Variants in TRPC1 observed in about 807,000 individuals in gnomAD.
TRPC1 encodes transient receptor potential cation channel subfamily C member 1, also known as short transient receptor potential channel 1.
A neutral mutation model predicts 88.2 loss-of-function variants in TRPC1; 42 were observed. The ratio of observed to expected loss-of-function variants is 0.48; its 90% CI spans 0.37 to 0.62. The LOEUF is 0.62. TRPC1 is among the 20% of genes least tolerant of loss of function. TRPC1 has a pLI of 0.00. For missense variants in TRPC1, 699 were observed against 957.3 expected, an observed-to-expected ratio of 0.73 and a Z score of 3.56; for synonymous variants, 288 against 331.8, an observed-to-expected ratio of 0.87 and a Z score of 1.43.
At chr3:142,760,881 T>C (rs1017491102) in intron 4 of TRPC1, among the ~76,000 whole-genome samples, 3 of 152,198 alleles carry the variant, frequency 2.0e-5, no homozygotes, top group Admixed American at 2.0e-4. Context: ...TTTGATTTCT[T>C]TTTCAGATTG....
intron 12 of TRPC1, among the ~76,000 whole-genome samples, chr3:142,804,971 C>T (rs1212996148): frequency 1.3e-5 from 2 of 151,972 alleles, no homozygotes; most frequent in African/African-American, 4.8e-5. Context: ...TGTGGTGGCA[C>T]ATGCCTGTAG....
chr3:142,796,485 T>A (rs970566334), intron 9 of TRPC1, among the ~76,000 whole-genome samples: 12 of 152,062 alleles, frequency 7.9e-5, no homozygotes, highest in African/African-American at 2.4e-5. Context: ...TATTTCCTTT[T>A]TTCCTTACCT....
chr3:142,741,234 C>T (rs926044833), intron 2 of TRPC1, among the ~76,000 whole-genome samples: 1 of 138,554 alleles, frequency 7.2e-6, no homozygotes, highest in African/African-American at 2.7e-5. Flanking sequence ...TCATAACTGC[C>T]ATTGATTTAT....
In TRPC1 at chr3:142,804,555, T is replaced by C. The variant is rs373088860; in HGVS notation, c.2079T>C (p.Tyr693=). The C allele has an allele frequency of 1.2e-5, 19 of 1,613,450 alleles. No homozygotes were observed. In the African/African-American group the frequency reaches 2.3e-4, roughly 19 times the overall value. The change falls in exon 12 of 13, where the codon TAT becomes TAC. Residue 693 remains tyrosine, a synonymous_variant. Transcript: ENST00000476941. The stretch of plus-strand genomic sequence containing the variant: ...TTCCCTCACCAAAGACTATCTGCTA[T>C]ATGATTAGTAGCCTCAGTAAGTGGA... ...NIIPSPKTIC[Y]MISSLSKWIC...
Position 142,777,613 on chromosome 3 carries a change from G to T in TRPC1, c.633-19G>T. The T allele has an allele frequency of 6.5e-7, 1 of 1,548,466 alleles. No homozygotes were observed. Among genetic ancestry groups the T allele is most frequent in the South Asian group, 1.3e-5 (1 of 77,534 alleles). ...GTGTATAAGTTTATTTTACATTATGGAATCCAATTTTATCACAGGTTTCGT... is the reference window on the plus strand; with the variant it reads ...GTGTATAAGTTTATTTTACATTATGTAATCCAATTTTATCACAGGTTTCGT... On this transcript the variant is annotated intron_variant, in intron 4 of 12. Coordinates refer to ENST00000476941, the MANE Select transcript of TRPC1 (RefSeq NM_001251845.2).
chr3:142,748,519 T>A lies in TRPC1; in HGVS notation c.632+59T>A. On this transcript the variant is annotated intron_variant, in intron 4 of 12. Coordinates refer to ENST00000476941, the MANE Select transcript of TRPC1 (RefSeq NM_001251845.2). The stretch of plus-strand genomic sequence containing the variant: ...TGATATATATCAACAATGTTGATTT[T>A]TAAAATTGGTATTCTTTCTATGCAG... 7 of 1,554,682 alleles carry A rather than the reference T, an allele frequency of 4.5e-6. No homozygotes were observed. In the Middle Eastern group the frequency reaches 1.2e-3, roughly 263 times the overall value.
intron 1 of TRPC1, among the ~76,000 whole-genome samples, chr3:142,734,697 G>A (rs558442721): frequency 6.6e-6 from 1 of 152,220 alleles, no homozygotes; most frequent in South Asian, 2.1e-4. Context: ...CAGCACTTTT[G>A]GAGGCCGAGG....
chr3:142,802,331 G>A lies in TRPC1; in HGVS notation c.1744G>A (p.Asp582Asn), dbSNP rs754860793. The A allele has an allele frequency of 3.5e-6, 5 of 1,427,934 alleles. No homozygotes were observed. The highest frequency in any genetic ancestry group is 4.6e-6 in the Non-Finnish European group (5 of 1,089,992). The allele number at this position is 1,427,934 out of a possible 1,614,324, so 88.5% of individuals were successfully genotyped here. The change falls in exon 10 of 13, where the codon GAT becomes AAT. Residue 582 changes from aspartate to asparagine, a missense_variant. This residue lies in a region of TRPC1 where 426 missense variants were observed against 641.3 expected (regional missense o/e 0.66). Transcript: ENST00000476941. ...CATCTTCTGTGAACAGCAAAGCAAT[G>A]ATACCTTCCATTCGTGAGTATCTTT... The part of the protein sequence containing the change: ...VGIFCEQQSN[D>N]TFHSFIGTCF...
chr3:142,763,981 T>TATATATATATATATATATATATATATAA (rs1162744315), intron 4 of TRPC1, among the ~76,000 whole-genome samples: 1 of 62,624 alleles, frequency 1.6e-5, no homozygotes, highest in Non-Finnish European at 2.8e-5. Flanking sequence ...TATATATATA[T>TATATATATATATATATATATATATATAA]ATACACATAC....
In TRPC1 at chr3:142,736,385, A is replaced by G; in HGVS notation, c.179A>G (p.Tyr60Cys). 1.9e-6 allele frequency: 3 copies of G among 1,602,862 alleles called. No homozygotes were observed. Among genetic ancestry groups the G allele is most frequent in the Non-Finnish European group, 2.6e-6 (3 of 1,175,288 alleles). Residue 60 changes from tyrosine (Y) to cysteine (C), a missense_variant, in exon 2 of 13, where the codon TAT becomes TGT. By Grantham distance (194) the Tyr-to-Cys change is radical. Coordinates refer to ENST00000476941, the MANE Select transcript of TRPC1 (RefSeq NM_001251845.2). Reference protein sequence around the residue: ...LFLLACDKGDYYMVKKILEEN... With the variant: ...LFLLACDKGDCYMVKKILEEN... ...TTTGTATATTGTTATTTAGGTGACT[A>G]TTATATGGTTAAAAAGATTTTGGAG... is the stretch of plus-strand genomic sequence containing the variant.
Position 142,791,148 on chromosome 3 carries a change from C to T in TRPC1, c.1427C>T (p.Ala476Val). 1 of 1,602,950 alleles carries T rather than the reference C, an allele frequency of 6.2e-7. No individual in the cohort carries two copies. Among genetic ancestry groups the T allele is most frequent in the Non-Finnish European group, 8.5e-7 (1 of 1,176,142 alleles). Residue 476 changes from alanine to valine, a missense_variant, in exon 8 of 13, where the codon GCT becomes GTT. By Grantham distance (64) the Ala-to-Val change is moderately conservative. This residue lies in a region of TRPC1 where 426 missense variants were observed against 641.3 expected (regional missense o/e 0.66). Transcript: ENST00000476941. ...GCAACCTTTGCCCTCAAAGTGGTTG[C>T]TCACAACAAGGTGACTATTTACTAT... Reference protein sequence around the residue: ...YLATFALKVVAHNKFHDFADR... With the variant: ...YLATFALKVVVHNKFHDFADR...
chr3:142,797,681 C>T (rs752192091), intron 9 of TRPC1, among the ~76,000 whole-genome samples: 5 of 151,964 alleles, frequency 3.3e-5, no homozygotes, highest in South Asian at 2.1e-4. Flanking sequence ...TTTCTTTATC[C>T]GTTATTGTGA....
intron 9 of TRPC1, among the ~76,000 whole-genome samples, chr3:142,798,093 G>A (rs1157479526): frequency 1.3e-5 from 2 of 152,048 alleles, no homozygotes; most frequent in African/African-American, 2.4e-5. Context: ...GTTCAACCTA[G>A]ATTCTCAAGT....
intron 1 of TRPC1, among the ~76,000 whole-genome samples, chr3:142,732,487 G>A (rs1577940873): frequency 1.3e-5 from 2 of 152,114 alleles, no homozygotes; most frequent in East Asian, 3.9e-4. Flanking sequence ...CCTGACTAGA[G>A]TTTGGTTAAG....
chr3:142,766,829 A>G (rs1449113327), intron 4 of TRPC1, among the ~76,000 whole-genome samples: 2 of 151,856 alleles, frequency 1.3e-5, no homozygotes, highest in African/African-American at 2.4e-5. Flanking sequence ...TACTTAATAA[A>G]CTCTCCTTTA....
At chr3:142,748,792 T>A (rs1934647899) in intron 4 of TRPC1, among the ~76,000 whole-genome samples, 1 of 152,204 alleles carries the variant, frequency 6.6e-6, no homozygotes, top group Non-Finnish European at 1.5e-5. Flanking sequence ...CCACCTCCTA[T>A]CTCATTTATA....
intron 4 of TRPC1, among the ~76,000 whole-genome samples, chr3:142,769,447 C>T (rs867451233): frequency 1.3e-5 from 2 of 152,170 alleles, no homozygotes; most frequent in Non-Finnish European, 2.9e-5. Context: ...CCCACCTCAG[C>T]CTCCAAAAGC....
chr3:142,802,261 G>A lies in TRPC1; in HGVS notation c.1674G>A (p.Leu558=), dbSNP rs767919564. The change falls in exon 10 of 13, where the codon CTG becomes CTA. Residue 558 remains leucine (L), a synonymous_variant. Coordinates refer to ENST00000476941, the MANE Select transcript of TRPC1 (RefSeq NM_001251845.2). ...LFSFTIGLTQ[L]YDKGYTSKEQ... is the part of the protein sequence containing the mutation. ...CTTTCACAATTGGACTGACACAACT[G>A]TATGATAAAGGATATACTTCAAAGG... 1.9e-6 allele frequency: 3 copies of A among 1,600,360 alleles called. No individual in the cohort carries two copies. Among genetic ancestry groups the A allele is most frequent in the South Asian group, 2.3e-5 (2 of 87,890 alleles).
chr3:142,761,871 A>G (rs969372301), intron 4 of TRPC1, among the ~76,000 whole-genome samples: 4 of 152,082 alleles, frequency 2.6e-5, no homozygotes, highest in African/African-American at 9.7e-5. Flanking sequence ...ATAGTAGTTT[A>G]TAATATTATT....
Sources: allele counts gnomAD v4.1 joint callset (sites outside exome capture counted in the v4.1 genomes callset), GRCh38; gene constraint gnomAD v4.1.1; regional missense constraint gnomAD v4.1.1; transcripts MANE v1.5; gene names NCBI Gene and HGNC (gene_info 2026-07-23, HGNC 2026-07-21).